Variants in CCDC136 observed in about 807,000 individuals in gnomAD.
CCDC136 encodes coiled-coil domain-containing protein 136.
A neutral mutation model predicts 141.2 loss-of-function variants in CCDC136; 100 were observed. The ratio of observed to expected loss-of-function variants is 0.71; its 90% confidence interval spans 0.60 to 0.84. The LOEUF (loss-of-function observed/expected upper bound fraction) is 0.84, where lower values mean the gene tolerates loss of function less well. CCDC136 is among the 40% of genes least tolerant of loss of function. CCDC136 has a pLI of 0.00. For synonymous variants in CCDC136, 474 were observed against 531.9 expected (o/e 0.89, Z 1.50); for missense variants, 1,206 against 1,379.4 (o/e 0.87, Z 1.99).
At position 128,817,910 on chromosome 7, in the gene CCDC136, C is replaced by G. The variant is rs1806897845; in HGVS notation, c.*5+46C>G. 6.8e-7 allele frequency: 1 copy of G among 1,472,212 alleles called. No homozygotes were observed. The highest frequency in any genetic ancestry group is 1.7e-5 in the Admixed American group (1 of 58,798). The allele number at this position is 1,472,212 out of a possible 1,614,324, so 91.2% of individuals were successfully genotyped here. A position where few individuals can be genotyped will look rare whatever the true frequency, so the allele number is the denominator to read the frequency against. On this transcript the variant is annotated intron_variant, in intron 17 of 17. Coordinates refer to ENST00000297788, the MANE Select transcript of CCDC136 (RefSeq NM_022742.5). The surrounding 1 kb of genome is among the most constrained non-coding windows in gnomAD (Gnocchi z 4.6). ...CCTTCTGAGGGATAGAGGGAGGGTG[C>G]AGGTTGCCCTGGCCTCTCCTCTTTC... is the stretch of plus-strand genomic sequence containing the variant.
At chr7:128,814,995 C>G (rs1220827513) in intron 15 of CCDC136, 76 bp downstream of exon 15, 1 of 1,244,516 alleles carries the variant, frequency 8.0e-7, no homozygotes, top group Non-Finnish European at 1.1e-6. Flanking sequence ...CTCCACAACC[C>G]TTTCAACCAG....
chr7:128,797,511 C>A (rs1236465027), intron 3 of CCDC136, among the ~76,000 whole-genome samples: 1 of 152,080 alleles, frequency 6.6e-6, no homozygotes, highest in Non-Finnish European at 1.5e-5. Flanking sequence ...CATGTCATGC[C>A]CTGTAAGCCA....
chr7:128,805,586 C>T lies in CCDC136; in HGVS notation c.948+62C>T. ...TTGTCTTTCTTTCACCTTCTCCCAGCCTGTGGTAGAAACATCTCCATAGGC... is the reference window on the plus strand; with the variant it reads ...TTGTCTTTCTTTCACCTTCTCCCAGTCTGTGGTAGAAACATCTCCATAGGC... On this transcript the variant is annotated intron_variant, in intron 6 of 17. Transcript: ENST00000297788. This position sits in a 1 kb window ranked among gnomAD's most constrained non-coding sequence, Gnocchi z 4.6. The T allele has an allele frequency of 6.4e-7, 1 of 1,552,074 alleles. No homozygotes were observed. Among genetic ancestry groups the T allele is most frequent in the Non-Finnish European group, 8.7e-7 (1 of 1,142,932 alleles).
At chr7:128,795,287 A>G (rs576814692) in intron 3 of CCDC136, among the ~76,000 whole-genome samples, 14 of 152,076 alleles carry the variant, frequency 9.2e-5, no homozygotes, top group Non-Finnish European at 7.4e-5. Context: ...TGGGCCCCAA[A>G]TCCCTTTTTG....
At chr7:128,808,581 T>C in intron 10 of CCDC136, 1 of 985,440 alleles carries the variant, frequency 1.0e-6, no homozygotes, top group Non-Finnish European at 1.2e-6. Flanking sequence ...CCCAAGAGTC[T>C]CTAACGATGG....
In CCDC136 at chr7:128,792,343, T is replaced by C. The variant is rs1411355255; in HGVS notation, c.-69T>C. The C allele has an allele frequency of 8.0e-6, 12 of 1,500,928 alleles. No homozygotes were observed. Among genetic ancestry groups the C allele is most frequent in the Non-Finnish European group, 9.9e-6 (11 of 1,115,724 alleles). The allele number at this position is 1,500,928 out of a possible 1,614,324, so 93.0% of individuals were successfully genotyped here. ...AGGACCCACAGTGACCACTCTAGGC[T>C]CCTATGAGGCTTCCGAGGGCTGTGA... On this transcript the variant is annotated 5_prime_UTR_variant, in exon 1 of 18. Coordinates refer to ENST00000297788, the MANE Select transcript of CCDC136 (RefSeq NM_022742.5).
intron 4 of CCDC136, among the ~76,000 whole-genome samples, chr7:128,803,735 C>T (rs1804396261): frequency 6.6e-6 from 1 of 151,928 alleles, no homozygotes; most frequent in South Asian, 2.1e-4. Flanking sequence ...TCAACCGGAT[C>T]TCTTCTAATG....
intron 4 of CCDC136, among the ~76,000 whole-genome samples, chr7:128,803,040 G>T (rs971585707): frequency 3.3e-5 from 5 of 152,228 alleles, no homozygotes; most frequent in African/African-American, 1.2e-4. Flanking sequence ...TTAGAATTAA[G>T]AGGAAACATT....
chr7:128,809,205 G>A (rs542667898), intron 10 of CCDC136: 1 of 433,072 alleles, frequency 2.3e-6, no homozygotes, highest in Admixed American at 4.2e-5. Context: ...AGAAAGGAAT[G>A]GTGGAAGTTT....
rs1257853731 is a variant in CCDC136 at position 128,792,076 on chromosome 7, C to G, written c.-336C>G. The G allele has an allele frequency of 4.5e-6, 6 of 1,338,240 alleles. No homozygotes were observed. The highest frequency in any genetic ancestry group is 4.8e-6 in the Non-Finnish European group (5 of 1,046,544). 82.9% of individuals were successfully genotyped at this position (1,338,240 alleles called of 1,614,324 possible). A position where few individuals can be genotyped will look rare whatever the true frequency, so the allele number is the denominator to read the frequency against. On this transcript the variant is annotated 5_prime_UTR_variant, in exon 1 of 18. Coordinates refer to ENST00000297788, the MANE Select transcript of CCDC136 (RefSeq NM_022742.5). ...CCCCCCGGACTAAATACGCACACCC[C>G]CTCTTTCTTTCTGTGCAAGCAAGAG...
chr7:128,800,243 A>C (rs1445186615), intron 3 of CCDC136, among the ~76,000 whole-genome samples: 2 of 152,120 alleles, frequency 1.3e-5, no homozygotes, highest in Non-Finnish European at 2.9e-5. Flanking sequence ...ACTTTCTTTT[A>C]AATGGCTGCA....
intron 17 of CCDC136, 163 bp downstream of exon 17, chr7:128,818,027 A>G (rs949871894): frequency 1.6e-6 from 1 of 612,658 alleles, no homozygotes. Flanking sequence ...TCCTTGGGCT[A>G]CTGCAAAGCC....
Position 128,805,526 on chromosome 7 carries a change from T to A in CCDC136, c.948+2T>A. The A allele has an allele frequency of 1.2e-6, 2 of 1,603,290 alleles. No homozygotes were observed. The highest frequency in any genetic ancestry group is 2.2e-5 in the South Asian group (2 of 89,438). On this transcript the variant is annotated splice_donor_variant, in intron 6 of 17. Transcript: ENST00000297788. LOFTEE classifies it high-confidence loss of function. This position sits in a 1 kb window ranked among gnomAD's most constrained non-coding sequence, Gnocchi z 4.6. ...CAGATGCATGGCATGAAGAACAAGGTAGGGCACAGAGGGTGGGGAAGGCAG... is the reference window on the plus strand; with the variant it reads ...CAGATGCATGGCATGAAGAACAAGGAAGGGCACAGAGGGTGGGGAAGGCAG...
Position 128,810,441 on chromosome 7 carries a change from G to A in CCDC136, c.2028+75G>A, listed in dbSNP as rs894127961. On this transcript the variant is annotated intron_variant, in intron 12 of 17. Transcript: ENST00000297788. ...GGCAGAGAGAGTGGGCACCGCCGAA[G>A]GGTCAGAGTTGGGAAGGCGTGTTTG... 9 of 1,114,506 alleles carry A rather than the reference G, an allele frequency of 8.1e-6. No homozygotes were observed. In the African/African-American group the frequency reaches 1.4e-4, roughly 17 times the overall value. The allele number at this position is 1,114,506 out of a possible 1,614,324, so 69.0% of individuals were successfully genotyped here. A position where few individuals can be genotyped will look rare whatever the true frequency, so the allele number is the denominator to read the frequency against.
intron 3 of CCDC136, among the ~76,000 whole-genome samples, chr7:128,798,107 C>T (rs1448866221): frequency 1.3e-5 from 2 of 149,760 alleles, no homozygotes; most frequent in African/African-American, 2.5e-5. Context: ...TTAGTAGAGG[C>T]GGGGTTTCAC....
intron 8 of CCDC136, 29 bp downstream of exon 8, chr7:128,806,424 C>T (rs1562919490): frequency 3.2e-6 from 5 of 1,576,680 alleles, no homozygotes; most frequent in Non-Finnish European, 4.3e-6. Flanking sequence ...GAGGGGACAA[C>T]TTAGGTGCTA....
In CCDC136 at chr7:128,803,970, A is replaced by G. The variant is rs530262837; in HGVS notation, c.671-680A>G. On this transcript the variant is annotated intron_variant, in intron 4 of 17. Coordinates refer to ENST00000297788, the MANE Select transcript of CCDC136 (RefSeq NM_022742.5). Reference sequence around the variant, plus strand: ...GCTGGGACTACAGGCATGCACCGCCACGCCTGGTTACTTTTTGTATTTTTA... The same window carrying G: ...GCTGGGACTACAGGCATGCACCGCCGCGCCTGGTTACTTTTTGTATTTTTA... Among the ~76,000 whole-genome samples, 19 of 152,260 alleles carry G rather than the reference A, an allele frequency of 1.2e-4. No individual in the cohort carries two copies. The South Asian group carries it at 3.7e-3, about 30-fold the overall frequency.
At position 128,804,775 on chromosome 7, in the gene CCDC136, T is replaced by C. The variant is rs772596463; in HGVS notation, c.782+14T>C. On this transcript the variant is annotated intron_variant, in intron 5 of 17. Coordinates refer to ENST00000297788, the MANE Select transcript of CCDC136 (RefSeq NM_022742.5). ...GGAGAGTGAGAGGTACAGCTGTCTC[T>C]GGAGAGTGAGAGGTCATGGGGTTCC... The C allele has an allele frequency of 2.0e-6, 3 of 1,522,218 alleles. No individual in the cohort carries two copies. The highest frequency in any genetic ancestry group is 2.7e-6 in the Non-Finnish European group (3 of 1,110,664). 94.3% of individuals were successfully genotyped at this position (1,522,218 alleles called of 1,614,324 possible). A position where few individuals can be genotyped will look rare whatever the true frequency, so the allele number is the denominator to read the frequency against.
At chr7:128,791,405 C>A, upstream of CCDC136, 1 of 961,532 alleles carries the variant, frequency 1.0e-6, no homozygotes, top group Non-Finnish European at 1.4e-6. The surrounding 1 kb of genome is among the most constrained non-coding windows in gnomAD (Gnocchi z 7.1). Flanking sequence ...CGTCCGCCCT[C>A]CCTCCCTCCC....
Sources: gnomAD v4.1 joint callset for allele counts (sites outside exome capture counted in the v4.1 genomes callset) on GRCh38, gnomAD v4.1.1 for gene constraint, Gnocchi (gnomAD v3.1) non-coding constraint, MANE v1.5 for transcripts, NCBI Gene and HGNC (gene_info 2026-07-23, HGNC 2026-07-21) for gene names.